The following F2RL1 variants were observed in gnomAD, a reference collection of about 807,000 sequenced individuals.
The protein encoded by F2RL1 is F2R like trypsin receptor 1.
In F2RL1, 16 loss-of-function variants were observed where a neutral mutation model predicts 21.7. That is an observed-to-expected ratio of 0.74 (90% CI 0.50 to 1.12). The LOEUF is 1.12. Among genes scored for constraint, F2RL1 ranks in the 50% most tolerant of loss-of-function variants. The pLI is 0.00. For synonymous variants in F2RL1, 181 were observed against 186.7 expected (o/e 0.97, Z 0.25); for missense variants, 432 against 477.8 (o/e 0.90, Z 0.89).
chr5:76,832,747 A>G lies in F2RL1; in HGVS notation c.140A>G (p.His47Arg). The G allele has an allele frequency of 6.2e-7, 1 of 1,614,208 alleles. No individual in the cohort carries two copies. Among genetic ancestry groups the G allele is most frequent in the Non-Finnish European group, 8.5e-7 (1 of 1,180,012 alleles). The change falls in exon 2 of 2, where the codon CAC becomes CGC. Residue 47 changes from histidine (H) to arginine (R), a missense_variant. Transcript: ENST00000296677. ...SLIGKVDGTSHVTGKGVTVET... is the reference protein window; with the variant it reads ...SLIGKVDGTSRVTGKGVTVET... ...ATTGGTAAGGTTGATGGCACATCCC[A>G]CGTCACTGGAAAAGGAGTTACAGTT...
chr5:76,826,608 T>G (rs897316653), intron 1 of F2RL1, among the ~76,000 whole-genome samples: 1 of 150,436 alleles, frequency 6.6e-6, no homozygotes, highest in African/African-American at 2.4e-5. Flanking sequence ...TAGTTTCAAG[T>G]GATTCTCCTG....
chr5:76,832,931 C>T lies in F2RL1; in HGVS notation c.324C>T (p.His108=). 2 of 1,614,194 alleles carry T rather than the reference C, an allele frequency of 1.2e-6. No homozygotes were observed. The highest frequency in any genetic ancestry group is 1.7e-6 in the Non-Finnish European group (2 of 1,180,044). ...TTCTTTTCCGAACTAAGAAGAAGCA[C>T]CCTGCTGTGATTTACATGGCCAATC... ...WVFLFRTKKK[H]PAVIYMANLA... Residue 108 remains histidine, a synonymous_variant, in exon 2 of 2, where the codon CAC becomes CAT. Transcript: ENST00000296677.
intron 1 of F2RL1, among the ~76,000 whole-genome samples, chr5:76,820,774 G>A (rs1351970768): frequency 6.6e-6 from 1 of 152,122 alleles, no homozygotes; most frequent in Non-Finnish European, 1.5e-5. Context: ...ATTATAAGGC[G>A]AACTTGATTT....
At position 76,833,281 on chromosome 5, in the gene F2RL1, C is replaced by T. The variant is rs371819764; in HGVS notation, c.674C>T (p.Thr225Ile). The T allele has an allele frequency of 6.2e-7, 1 of 1,613,592 alleles. No individual in the cohort carries two copies. Among genetic ancestry groups the T allele is most frequent in the Non-Finnish European group, 8.5e-7 (1 of 1,179,992 alleles). ...TIFIPALNIT[T>I]CHDVLPEQLL... ...TTCATTCCTGCCCTGAACATCACGA[C>T]CTGTCATGATGTTTTGCCTGAGCAG... The change falls in exon 2 of 2, where the codon ACC (threonine) becomes ATC (isoleucine). Residue 225 changes from threonine to isoleucine, a missense_variant. Thr to Ile is a moderately conservative substitution (Grantham distance 89). Transcript: ENST00000296677.
intron 1 of F2RL1, among the ~76,000 whole-genome samples, chr5:76,827,306 C>T (rs1238998085): frequency 3.5e-5 from 5 of 141,262 alleles, no homozygotes; most frequent in Non-Finnish European, 1.5e-5. Context: ...ACTGTGAAAC[C>T]CCATCTCTAC....
intron 1 of F2RL1, among the ~76,000 whole-genome samples, chr5:76,832,105 T>C (rs1750359330): frequency 6.6e-6 from 1 of 152,142 alleles, no homozygotes; most frequent in African/African-American, 2.4e-5. Flanking sequence ...GTTAGTCTTC[T>C]TTATATTCCT....
chr5:76,833,066 C>A lies in F2RL1; in HGVS notation c.459C>A (p.Gly153=), dbSNP rs752346867. The A allele has an allele frequency of 1.2e-6, 2 of 1,614,218 alleles. No homozygotes were observed. The highest frequency in any genetic ancestry group is 8.5e-7 in the Non-Finnish European group (1 of 1,180,036). The change falls in exon 2 of 2, where the codon GGC becomes GGA. Residue 153 remains glycine (G), a synonymous_variant. Transcript: ENST00000296677. The part of the protein sequence containing the change: ...YGEALCNVLI[G]FFYGNMYCSI... ...AAGCTCTTTGTAATGTGCTTATTGG[C>A]TTTTTCTATGGCAACATGTACTGTT...
Position 76,833,912 on chromosome 5 carries a change from G to T in F2RL1, c.*111G>T. The T allele has an allele frequency of 8.4e-7, 1 of 1,187,796 alleles. No individual in the cohort carries two copies. 73.6% of individuals were successfully genotyped at this position (1,187,796 alleles called of 1,614,324 possible). On this transcript the variant is annotated 3_prime_UTR_variant, in exon 2 of 2. Coordinates refer to ENST00000296677, the MANE Select transcript of F2RL1 (RefSeq NM_005242.6). ...AAAAAGGTCTCACCACATACCATGTGGATGCAGCACCTCTCAGGATTGCTA... is the reference window on the plus strand; with the variant it reads ...AAAAAGGTCTCACCACATACCATGTTGATGCAGCACCTCTCAGGATTGCTA...
At chr5:76,827,455 C>T (rs1467094634) in intron 1 of F2RL1, among the ~76,000 whole-genome samples, 8 of 150,970 alleles carry the variant, frequency 5.3e-5, no homozygotes, top group African/African-American at 1.2e-4. Flanking sequence ...GCCGAGATCG[C>T]GCCACTGCAC....
chr5:76,831,076 T>C (rs903269086), intron 1 of F2RL1, among the ~76,000 whole-genome samples: 1 of 152,122 alleles, frequency 6.6e-6, no homozygotes, highest in African/African-American at 2.4e-5. Flanking sequence ...CATGAATACT[T>C]AGGGGCAGAA....
In F2RL1 at chr5:76,835,283, A is replaced by G. The variant is rs752294684; in HGVS notation, c.*1482A>G. On this transcript the variant is annotated 3_prime_UTR_variant, in exon 2 of 2. Coordinates refer to ENST00000296677, the MANE Select transcript of F2RL1 (RefSeq NM_005242.6). ...AAATAATTATTTTATTGTGTAATTG[A>G]TTTATAAATAACAAAATTTTTTTTA... 6 of 152,240 alleles carry G rather than the reference A, an allele frequency of 3.9e-5. No individual in the cohort carries two copies. Among genetic ancestry groups the G allele is most frequent in the Admixed American group, 6.5e-5 (1 of 15,284 alleles). 9.4% of individuals were successfully genotyped at this position (152,240 alleles called of 1,614,324 possible).
At position 76,819,186 on chromosome 5, in the gene F2RL1, C is replaced by G; in HGVS notation, c.4C>G (p.Arg2Gly). Residue 2 changes from arginine to glycine, a missense_variant, in exon 1 of 2, where the codon CGG becomes GGG. Transcript: ENST00000296677. Reference protein sequence around the residue: MRSPSAAWLLGA... With the variant: MGSPSAAWLLGA... ...CGGCGTCGGGGCTTCCAGGAGGATG[C>G]GGAGCCCCAGCGCGGCGTGGCTGCT... 1 of 1,581,168 alleles carries G rather than the reference C, an allele frequency of 6.3e-7. No homozygotes were observed. The highest frequency in any genetic ancestry group is 2.3e-5 in the East Asian group (1 of 44,090).
chr5:76,828,291 C>T (rs1337272321), intron 1 of F2RL1, among the ~76,000 whole-genome samples: 1 of 152,090 alleles, frequency 6.6e-6, no homozygotes, highest in East Asian at 1.9e-4. Context: ...GTATTCCTAC[C>T]AGCAGTGTCT....
At chr5:76,822,800 A>G (rs1157880666) in intron 1 of F2RL1, among the ~76,000 whole-genome samples, 1 of 152,142 alleles carries the variant, frequency 6.6e-6, no homozygotes, top group Non-Finnish European at 1.5e-5. Flanking sequence ...GGGAGCAAAA[A>G]AGGACATTTG....
At chr5:76,827,325 C>CAAAA (rs764040748) in intron 1 of F2RL1, among the ~76,000 whole-genome samples, 90 of 87,570 alleles carry the variant, frequency 1.0e-3, no homozygotes, top group African/African-American at 4.1e-3. Context: ...ACTAAAAATA[C>CAAAA]AAAAAAAAAA....
intron 1 of F2RL1, among the ~76,000 whole-genome samples, chr5:76,828,782 C>T (rs1435344372): frequency 6.6e-6 from 1 of 152,092 alleles, no homozygotes; most frequent in Non-Finnish European, 1.5e-5. Flanking sequence ...GCATGAACAA[C>T]CGTGCCTGGC....
intron 1 of F2RL1, among the ~76,000 whole-genome samples, chr5:76,830,321 A>C (rs1750327909): frequency 6.6e-6 from 1 of 152,204 alleles, no homozygotes; most frequent in African/African-American, 2.4e-5. Context: ...TCTGTCGCCC[A>C]GGCTGGAGTG....
At position 76,833,864 on chromosome 5, in the gene F2RL1, G is replaced by T; in HGVS notation, c.*63G>T. 1 of 1,523,278 alleles carries T rather than the reference G, an allele frequency of 6.6e-7. No homozygotes were observed. Among genetic ancestry groups the T allele is most frequent in the Non-Finnish European group, 8.9e-7 (1 of 1,122,990 alleles). The allele number at this position is 1,523,278 out of a possible 1,614,324, so 94.4% of individuals were successfully genotyped here. ...TGTGGAACCTGTTTAATGTTATGAG[G>T]ACGTGTCTGTTATTTCCTAATCAAA... On this transcript the variant is annotated 3_prime_UTR_variant, in exon 2 of 2. Transcript: ENST00000296677.
At chr5:76,825,004 ATT>A (rs555152159) in intron 1 of F2RL1, among the ~76,000 whole-genome samples, 76 of 129,864 alleles carry the variant, frequency 5.9e-4, no homozygotes, top group African/African-American at 1.6e-3. Context: ...GTACATTATA[ATT>A]TTTTTTTTTT....
Sources: allele counts gnomAD v4.1 joint callset (sites outside exome capture counted in the v4.1 genomes callset), GRCh38; gene constraint gnomAD v4.1.1; transcripts MANE v1.5; gene names NCBI Gene and HGNC (gene_info 2026-07-23, HGNC 2026-07-21).